CDC14A: variants seen among roughly 807,000 people sequenced by gnomAD.
CDC14A encodes the protein dual specificity protein phosphatase CDC14A.
CDC14A carries 53 observed loss-of-function variants against 74.4 expected under a neutral mutation model. The ratio of observed to expected loss-of-function variants is 0.71; its 90% confidence interval spans 0.57 to 0.89. The LOEUF is 0.89. Ranked by LOEUF, CDC14A falls within the 40% of genes least tolerant of loss-of-function variation. CDC14A has a pLI of 0.00. For missense variants in CDC14A, 646 were observed against 713.7 expected, an observed-to-expected ratio of 0.91 and a Z score of 1.08; for synonymous variants, 247 against 258.4, an observed-to-expected ratio of 0.96 and a Z score of 0.43.
intron 15 of CDC14A, among the ~76,000 whole-genome samples, chr1:100,516,620 C>G (rs567419150): frequency 6.6e-6 from 1 of 152,252 alleles, no homozygotes; most frequent in African/African-American, 2.4e-5. Flanking sequence ...TTAACTGGCT[C>G]TGCCCTCTGA....
At chr1:100,413,333 A>G (rs1326732926) in intron 4 of CDC14A, among the ~76,000 whole-genome samples, 1 of 152,220 alleles carries the variant, frequency 6.6e-6, no homozygotes, top group Non-Finnish European at 1.5e-5. Flanking sequence ...GTAGCTTACA[A>G]GTTACTATGA....
At position 100,381,683 on chromosome 1, in the gene CDC14A, T is replaced by C. The variant is rs149274008; in HGVS notation, c.216+4062T>C. On this transcript the variant is annotated intron_variant, in intron 3 of 15. Coordinates refer to ENST00000336454, the MANE Select transcript of CDC14A (RefSeq NM_003672.4). ...GTGTCTATATGCATTCTATTCCCAA[T>C]GTCCTTATTTTAATTATGTCAATCA... Among the ~76,000 whole-genome samples the C allele has an allele frequency of 4.6e-5, 7 of 152,322 alleles. No individual in the cohort carries two copies. The East Asian group carries it at 1.4e-3, about 29-fold the overall frequency.
chr1:100,372,286 AAAATAAGACAGCAGTG>A (rs1654586602), intron 2 of CDC14A, among the ~76,000 whole-genome samples: 1 of 152,184 alleles, frequency 6.6e-6, no homozygotes, highest in African/African-American at 2.4e-5. Context: ...GCAATTTCTT[AAAATAAGACAGCAGTG>A]AAATTTGCCA....
chr1:100,438,498 A>G (rs761813073), intron 5 of CDC14A, among the ~76,000 whole-genome samples: 1 of 152,198 alleles, frequency 6.6e-6, no homozygotes, highest in Non-Finnish European at 1.5e-5. Flanking sequence ...GGCATAGCCC[A>G]TTAAAATTTG....
intron 2 of CDC14A, among the ~76,000 whole-genome samples, chr1:100,370,651 A>G (rs758771439): frequency 2.0e-5 from 3 of 152,062 alleles, no homozygotes; most frequent in Admixed American, 1.3e-4. Context: ...GGTTCTCTAT[A>G]ATGTTCCATT....
At chr1:100,477,600 G>A (rs1669037629) in intron 10 of CDC14A, among the ~76,000 whole-genome samples, 1 of 151,800 alleles carries the variant, frequency 6.6e-6, no homozygotes, top group African/African-American at 2.4e-5. Context: ...TGGGTACCAG[G>A]GACATTTCAA....
At position 100,412,704 on chromosome 1, in the gene CDC14A, A is replaced by ATATATATATATATATTT. The variant is rs1660887375; in HGVS notation, c.310-11503_310-11502insTTTATATATATATATAT. Among the ~76,000 whole-genome samples, 3 of 100,898 alleles carry ATATATATATATATATTT rather than the reference A, an allele frequency of 3.0e-5. No homozygotes were observed. The Admixed American group carries it at 3.0e-4, about 10-fold the overall frequency. The allele number at this position is 100,898 out of a possible 152,430, so 66.2% of individuals were successfully genotyped here. A position where few individuals can be genotyped will look rare whatever the true frequency, so the allele number is the denominator to read the frequency against. ...TGAACTTCCTGTATGTTTTATATATATATATATATATATATATATTTTATA... is the reference window on the plus strand; with the variant it reads ...TGAACTTCCTGTATGTTTTATATATATATATATATATATATTTTATATATATATATATATATTTTATA... On this transcript the variant is annotated intron_variant, in intron 4 of 15. Coordinates refer to ENST00000336454, the MANE Select transcript of CDC14A (RefSeq NM_003672.4).
rs1649400397 is a variant in CDC14A at position 100,508,124 on chromosome 1, T to C, written c.1755+8862T>C. ...TTCAATTCGTGAATTTTCTTTAATG[T>C]GTCCATTCTGGAGTATATCCCCCAA... On this transcript the variant is annotated intron_variant, in intron 15 of 15. Coordinates refer to ENST00000336454, the MANE Select transcript of CDC14A (RefSeq NM_003672.4). The surrounding 1 kb of genome is among the most constrained non-coding windows in gnomAD (Gnocchi z 4.4). 1.3e-5 allele frequency among the ~76,000 whole-genome samples: 2 copies of C among 152,178 alleles called. No homozygotes were observed.
At chr1:100,390,949 A>G in intron 4 of CDC14A, 125 bp downstream of exon 4, 1 of 726,744 alleles carries the variant, frequency 1.4e-6, no homozygotes, top group Non-Finnish European at 2.5e-6. Context: ...CAGTTTGGGA[A>G]TTGATCTGTA....
Position 100,520,202 on chromosome 1 carries a change from C to T in CDC14A, c.*1922C>T, listed in dbSNP as rs1218660742. 1 of 152,266 alleles carries T rather than the reference C, an allele frequency of 6.6e-6. No homozygotes were observed. The highest frequency in any genetic ancestry group is 1.5e-5 in the Non-Finnish European group (1 of 67,864). The allele number at this position is 152,266 out of a possible 1,614,324, so 9.4% of individuals were successfully genotyped here. On this transcript the variant is annotated 3_prime_UTR_variant, in exon 16 of 16. Coordinates refer to ENST00000336454, the MANE Select transcript of CDC14A (RefSeq NM_003672.4). The stretch of plus-strand genomic sequence containing the variant: ...TATTTTGTTATGAATAGTTTATCTT[C>T]CAAAAGATATTTTGCTCTATTTTAA...
At chr1:100,384,572 C>T (rs561116356) in intron 3 of CDC14A, among the ~76,000 whole-genome samples, 7 of 152,270 alleles carry the variant, frequency 4.6e-5, no homozygotes, top group African/African-American at 1.7e-4. Flanking sequence ...CTGCATTGCT[C>T]AGCAAAGTGT....
chr1:100,409,773 G>A (rs1660432023), intron 4 of CDC14A, among the ~76,000 whole-genome samples: 3 of 152,150 alleles, frequency 2.0e-5, no homozygotes, highest in Admixed American at 2.0e-4. Flanking sequence ...TTAAAACATA[G>A]GAATGGACCC....
At chr1:100,433,349 G>A (rs1440382826) in intron 5 of CDC14A, among the ~76,000 whole-genome samples, 1 of 152,172 alleles carries the variant, frequency 6.6e-6, no homozygotes, top group Non-Finnish European at 1.5e-5. Context: ...AGACATAAAA[G>A]ACACGTTTCC....
chr1:100,499,302 G>T (rs757620331), intron 15 of CDC14A, 40 bp downstream of exon 15: 1 of 1,614,162 alleles, frequency 6.2e-7, no homozygotes, highest in Non-Finnish European at 8.5e-7. Context: ...TCAGAACCCT[G>T]AATGCAACTT....
At chr1:100,354,098 G>T (rs1651544630) in intron 2 of CDC14A, among the ~76,000 whole-genome samples, 1 of 152,160 alleles carries the variant, frequency 6.6e-6, no homozygotes. Flanking sequence ...ACAACAAACA[G>T]CAACTGGAGA....
chr1:100,432,301 G>A (rs1663786247), intron 5 of CDC14A, among the ~76,000 whole-genome samples: 1 of 152,146 alleles, frequency 6.6e-6, no homozygotes, highest in Non-Finnish European at 1.5e-5. Context: ...TTGTTCAGAG[G>A]CTGGAAACTA....
chr1:100,458,964 T>C (rs1472913965), intron 8 of CDC14A, among the ~76,000 whole-genome samples: 2 of 151,978 alleles, frequency 1.3e-5, no homozygotes, highest in Admixed American at 1.3e-4. Context: ...CCCTACTTTT[T>C]TTTGTTAAAC....
At chr1:100,479,583 A>C (rs1276560608) in intron 10 of CDC14A, among the ~76,000 whole-genome samples, 1 of 152,186 alleles carries the variant, frequency 6.6e-6, no homozygotes, top group East Asian at 1.9e-4. Context: ...AAGGGTTTAA[A>C]ATTTTGTGTT....
At chr1:100,458,553 A>C (rs571734943) in intron 8 of CDC14A, among the ~76,000 whole-genome samples, 17 of 152,222 alleles carry the variant, frequency 1.1e-4, no homozygotes, top group Non-Finnish European at 1.3e-4. Context: ...TTTCCATTTT[A>C]AGATCTAATA....
Sources: gnomAD v4.1 joint callset for allele counts (sites outside exome capture counted in the v4.1 genomes callset) on GRCh38, gnomAD v4.1.1 for gene constraint, Gnocchi (gnomAD v3.1) non-coding constraint, MANE v1.5 for transcripts, NCBI Gene and HGNC (gene_info 2026-07-23, HGNC 2026-07-21) for gene names.